TFB1M: variants seen among roughly 807,000 people sequenced by gnomAD.
TFB1M encodes transcription factor B1, mitochondrial.
In TFB1M, 27 loss-of-function variants were observed where a neutral mutation model predicts 31.1. That is an observed-to-expected ratio of 0.87 (90% CI 0.64 to 1.20). TFB1M has a LOEUF of 1.20. Among genes scored for constraint, TFB1M ranks in the 50% most tolerant of loss-of-function variants. TFB1M has a pLI of 0.00. For missense variants in TFB1M, 394 were observed against 418.7 expected, an observed-to-expected ratio of 0.94 and a Z score of 0.51; for synonymous variants, 166 against 151.8, an observed-to-expected ratio of 1.09 and a Z score of -0.69.
chr6:155,258,045 C>T lies in TFB1M; in HGVS notation c.832G>A (p.Gly278Ser). 1.2e-6 allele frequency: 2 copies of T among 1,614,184 alleles called. No homozygotes were observed. The highest frequency in any genetic ancestry group is 8.5e-7 in the Non-Finnish European group (1 of 1,180,028). ...FPEAQRLEST[G>S]RLLELADIDP... ...ATGTCTGCCAACTCTAACAGCCTGCCCGTGCTTTCCAAGCGCTGCGCTTCA... is the reference window on the plus strand; with the variant it reads ...ATGTCTGCCAACTCTAACAGCCTGCTCGTGCTTTCCAAGCGCTGCGCTTCA... The change falls in exon 7 of 7, where the codon GGC becomes AGC. Residue 278 changes from glycine (G) to serine (S), a missense_variant. Gly to Ser is a moderately conservative substitution (Grantham distance 56). Around this residue, in one of 3 missense-constraint regions of TFB1M, gnomAD observed 115 missense variants for 144.1 expected, o/e 0.80. Transcript: ENST00000367166.
Position 155,258,038 on chromosome 6 carries a change from A to C in TFB1M, c.839T>G (p.Leu280Arg), listed in dbSNP as rs1285039243. 5 of 1,614,234 alleles carry C rather than the reference A, an allele frequency of 3.1e-6. No individual in the cohort carries two copies. Among genetic ancestry groups the C allele is most frequent in the Non-Finnish European group, 4.2e-6 (5 of 1,180,034 alleles). ...AGGGTCTATGTCTGCCAACTCTAAC[A>C]GCCTGCCCGTGCTTTCCAAGCGCTG... The part of the protein sequence containing the change: ...EAQRLESTGR[L>R]LELADIDPTL... Residue 280 changes from leucine (L) to arginine (R), a missense_variant, in exon 7 of 7, where the codon CTG (leucine) becomes CGG (arginine). By Grantham distance (102) the Leu-to-Arg change is moderately radical (BLOSUM62 -2). Coordinates refer to ENST00000367166, the MANE Select transcript of TFB1M (RefSeq NM_016020.4).
At chr6:155,311,124 C>T in intron 2 of TFB1M, 64 bp downstream of exon 2, 1 of 1,574,654 alleles carries the variant, frequency 6.4e-7, no homozygotes. Context: ...GGGGTTTAAG[C>T]ATCATGGCAT....
At chr6:155,241,859 C>G in the TFB1M span, among the ~76,000 whole-genome samples, 3 of 152,116 alleles carry the variant, frequency 2.0e-5, no homozygotes, top group Non-Finnish European at 4.4e-5. Flanking sequence ...CGCTGTGTGG[C>G]GCTGTAGATA....
At chr6:155,250,857 A>C in the TFB1M span, 1 of 1,540,842 alleles carries the variant, frequency 6.5e-7, no homozygotes, top group Non-Finnish European at 9.0e-7. Flanking sequence ...ATCTAACAAG[A>C]GATCATCTAG....
the TFB1M span, chr6:155,247,930 TAA>T: frequency 6.6e-7 from 1 of 1,521,800 alleles, no homozygotes; most frequent in South Asian, 1.3e-5. Context: ...CTATAAATGT[TAA>T]AAGAGAAATG....
the TFB1M span, among the ~76,000 whole-genome samples, chr6:155,233,444 A>T: frequency 6.6e-6 from 1 of 152,140 alleles, no homozygotes; most frequent in Non-Finnish European, 1.5e-5. Flanking sequence ...ACCGTCAAAG[A>T]GGGTCTGGGC....
intron 5 of TFB1M, among the ~76,000 whole-genome samples, chr6:155,283,887 G>A (rs1408713135): frequency 6.6e-6 from 1 of 152,140 alleles, no homozygotes; most frequent in Non-Finnish European, 1.5e-5. Flanking sequence ...CCTGTACTAG[G>A]AGAGAAAGTC....
chr6:155,296,991 T>C lies in TFB1M; in HGVS notation c.508A>G (p.Thr170Ala). Residue 170 changes from threonine (T) to alanine (A), a missense_variant, in exon 4 of 7, where the codon ACT (threonine) becomes GCT (alanine). Transcript: ENST00000367166. ...CRDGPFVYGR[T>A]QMTLTFQKEV... The stretch of plus-strand genomic sequence containing the variant: ...TTTTGAAAAGTCAAAGTCATCTGAG[T>C]TCTGCCATAAACAAAAGGTCCATCT... 4.3e-6 allele frequency: 7 copies of C among 1,614,032 alleles called. No individual in the cohort carries two copies. The highest frequency in any genetic ancestry group is 5.9e-6 in the Non-Finnish European group (7 of 1,179,962).
chr6:155,266,554 T>C (rs1426244390), intron 5 of TFB1M, among the ~76,000 whole-genome samples: 1 of 152,080 alleles, frequency 6.6e-6, no homozygotes, highest in African/African-American at 2.4e-5. Flanking sequence ...CAGTTAAGAA[T>C]GACCAAATGA....
intron 5 of TFB1M, chr6:155,260,814 C>T (rs1784361491): frequency 3.0e-6 from 1 of 329,264 alleles, no homozygotes; most frequent in African/African-American, 2.2e-5. Context: ...GACAGGCCCC[C>T]AGGGACCACT....
In TFB1M at chr6:155,314,041, G is replaced by A. The variant is rs1778134036; in HGVS notation, c.133+255C>T. On this transcript the variant is annotated intron_variant, in intron 1 of 6. Coordinates refer to ENST00000367166, the MANE Select transcript of TFB1M (RefSeq NM_016020.4). ...CGACCCATGAACCCTTCCTCCCCTA[G>A]GGAGCTTGGCATTTATGCAGCCTGC... 3.7e-6 allele frequency: 5 copies of A among 1,340,204 alleles called. No homozygotes were observed. In the East Asian group the frequency reaches 1.4e-4, roughly 39 times the overall value. The allele number at this position is 1,340,204 out of a possible 1,614,324, so 83.0% of individuals were successfully genotyped here. A position where few individuals can be genotyped will look rare whatever the true frequency, so the allele number is the denominator to read the frequency against.
At chr6:155,277,232 T>G (rs1785268068) in intron 5 of TFB1M, among the ~76,000 whole-genome samples, 1 of 152,250 alleles carries the variant, frequency 6.6e-6, no homozygotes, top group Non-Finnish European at 1.5e-5. Context: ...TTATTCATAT[T>G]TGGATGATAA....
intron 1 of TFB1M, chr6:155,314,024 G>C (rs1439595208): frequency 1.7e-6 from 2 of 1,202,356 alleles, no homozygotes; most frequent in Non-Finnish European, 2.2e-6. Context: ...CACGACCCAT[G>C]AACCCTTCCT....
intron 5 of TFB1M, among the ~76,000 whole-genome samples, chr6:155,270,100 T>C (rs866845083): frequency 2.0e-5 from 3 of 152,188 alleles, no homozygotes; most frequent in Non-Finnish European, 4.4e-5. Context: ...CAAGGGATGT[T>C]GGGTATGGAA....
At chr6:155,309,580 G>A (rs1218456550) in intron 2 of TFB1M, among the ~76,000 whole-genome samples, 4 of 152,108 alleles carry the variant, frequency 2.6e-5, no homozygotes, top group Non-Finnish European at 5.9e-5. Flanking sequence ...GAATATGTGG[G>A]AATGAATGGA....
rs1417278271 is a variant in TFB1M, at chr6:155,297,019, AC to A, written c.479del (p.Cys160LeufsTer13). The part of the protein sequence containing the change: ...LIIKWLENIS[C>X]RDGPFVYGRT... ...TGCCATAAACAAAAGGTCCATCTCT[AC>A]AGGAAATATTTTCAAGCCACTTGAT... On this transcript the variant is annotated frameshift_variant, in exon 4 of 7. Transcript: ENST00000367166. LOFTEE classifies it high-confidence loss of function. 16 of 1,613,826 alleles carry A rather than the reference AC, an allele frequency of 9.9e-6. No individual in the cohort carries two copies. The South Asian group carries it at 1.2e-4, about 12-fold the overall frequency.
chr6:155,304,721 G>A (rs1041706522), intron 2 of TFB1M, among the ~76,000 whole-genome samples: 1 of 151,762 alleles, frequency 6.6e-6, no homozygotes, highest in Admixed American at 6.6e-5. Flanking sequence ...CAGAAACAAT[G>A]CAAGTGAGAA....
chr6:155,292,330 G>A (rs760922804), intron 4 of TFB1M, among the ~76,000 whole-genome samples: 3 of 152,158 alleles, frequency 2.0e-5, no homozygotes, highest in Non-Finnish European at 4.4e-5. Flanking sequence ...AGAATGTGAG[G>A]CAGAGCTCCT....
chr6:155,278,832 G>T (rs762619759), intron 5 of TFB1M, among the ~76,000 whole-genome samples: 2 of 152,188 alleles, frequency 1.3e-5, no homozygotes, highest in Non-Finnish European at 2.9e-5. Flanking sequence ...CAGAGTTCTC[G>T]TGGGGATTAA....
Sources: gnomAD v4.1 joint callset for allele counts (sites outside exome capture counted in the v4.1 genomes callset) on GRCh38, gnomAD v4.1.1 for gene constraint, gnomAD v4.1.1 regional missense constraint, MANE v1.5 for transcripts, NCBI Gene and HGNC (gene_info 2026-07-23, HGNC 2026-07-21) for gene names.